Variants in CHL1 observed in about 807,000 individuals in gnomAD.
CHL1 encodes neural cell adhesion molecule L1-like protein.
Under a neutral mutation model 141.9 loss-of-function variants are expected in CHL1, and 96 were observed. The ratio of observed to expected loss-of-function variants is 0.68; its 90% CI spans 0.57 to 0.80. CHL1 has a LOEUF of 0.80. CHL1 is among the 30% of genes least tolerant of loss of function. The pLI, the probability that CHL1 is intolerant of heterozygous loss-of-function variation, is 0.00. For synonymous variants in CHL1, 613 were observed against 502.2 expected, an observed-to-expected ratio of 1.22 and a Z score of -2.95; for missense variants, 1,820 against 1,457.2, an observed-to-expected ratio of 1.25 and a Z score of -4.05.
At chr3:342,695 A>G (rs1702434707) in intron 7 of CHL1, among the ~76,000 whole-genome samples, 1 of 152,100 alleles carries the variant, frequency 6.6e-6, no homozygotes, top group Non-Finnish European at 1.5e-5. Context: ...TGATTTTTTC[A>G]TTTTTATGTG....
chr3:244,458 A>G (rs144898094), intron 1 of CHL1, among the ~76,000 whole-genome samples, 155 bp from the exon 2 acceptor site: 22 of 152,314 alleles, frequency 1.4e-4, no homozygotes, highest in African/African-American at 5.3e-4. Context: ...CAACAGAGCA[A>G]TACTATAGCT....
At chr3:213,235 T>A (rs559908008) in intron 1 of CHL1, 18 of 152,328 alleles carry the variant, frequency 1.2e-4, no homozygotes, top group Non-Finnish European at 2.4e-4. Flanking sequence ...TCACAGAGAA[T>A]TGATTCCCAT....
At chr3:273,787 T>C (rs1401844998) in intron 2 of CHL1, among the ~76,000 whole-genome samples, 3 of 152,232 alleles carry the variant, frequency 2.0e-5, no homozygotes, top group African/African-American at 4.8e-5. Context: ...GATGGTAATA[T>C]GCCTATGTTA....
chr3:304,182 G>T (rs1575011248), intron 2 of CHL1, among the ~76,000 whole-genome samples: 2 of 152,174 alleles, frequency 1.3e-5, no homozygotes, highest in East Asian at 3.9e-4. Flanking sequence ...GTTCATCAGG[G>T]ATATTGGCCT....
intron 11 of CHL1, among the ~76,000 whole-genome samples, chr3:358,970 A>G (rs1703962942): frequency 6.9e-6 from 1 of 145,020 alleles, no homozygotes; most frequent in Admixed American, 7.0e-5. Flanking sequence ...TATAAAATAT[A>G]TGTTATATAT....
At chr3:255,509 G>GTA (rs778012132) in intron 2 of CHL1, among the ~76,000 whole-genome samples, 137 of 145,018 alleles carry the variant, frequency 9.4e-4, no homozygotes, top group Non-Finnish European at 1.5e-3. Context: ...ATGTGTGTGT[G>GTA]TGTGTATACA....
At chr3:230,011 T>A (rs1055587174) in intron 1 of CHL1, among the ~76,000 whole-genome samples, 39 of 152,144 alleles carry the variant, frequency 2.6e-4, no homozygotes, top group Non-Finnish European at 1.5e-4. Context: ...CCCGTGAGTT[T>A]CTATAGTATT....
chr3:226,820 C>T (rs141321514), intron 1 of CHL1, among the ~76,000 whole-genome samples: 1 of 152,098 alleles, frequency 6.6e-6, no homozygotes, highest in Non-Finnish European at 1.5e-5. Flanking sequence ...TGCCTTTCTT[C>T]TCAATGCTTA....
chr3:258,218 AAG>A (rs1694361312), intron 2 of CHL1, among the ~76,000 whole-genome samples: 1 of 152,248 alleles, frequency 6.6e-6, no homozygotes, highest in African/African-American at 2.4e-5. Flanking sequence ...CTCTCAGATT[AAG>A]AGAGAATATT....
At chr3:354,066 A>C (rs190466073) in intron 10 of CHL1, among the ~76,000 whole-genome samples, 159 of 152,238 alleles carry the variant, frequency 1.0e-3, no homozygotes, top group African/African-American at 3.5e-3. Context: ...CAGAAAGCTA[A>C]ACACTGCTTT....
chr3:333,471 C>T (rs1343069676), intron 5 of CHL1, among the ~76,000 whole-genome samples: 1 of 152,082 alleles, frequency 6.6e-6, no homozygotes, highest in Non-Finnish European at 1.5e-5. Context: ...CTATTTTCAA[C>T]AACATTGCAG....
intron 14 of CHL1, among the ~76,000 whole-genome samples, chr3:365,464 A>T (rs1039858046): frequency 1.3e-5 from 2 of 152,192 alleles, no homozygotes; most frequent in Non-Finnish European, 2.9e-5. Flanking sequence ...CACAGGCCCT[A>T]CTTCCCTGAG....
intron 4 of CHL1, among the ~76,000 whole-genome samples, chr3:327,896 A>G (rs1701133351): frequency 6.6e-6 from 1 of 152,042 alleles, no homozygotes; most frequent in East Asian, 1.9e-4. Flanking sequence ...ATCTTGTATT[A>G]CCTTTCTAAT....
chr3:391,067 C>A lies in CHL1; in HGVS notation c.2699C>A (p.Ala900Asp). 4.3e-6 allele frequency: 7 copies of A among 1,613,440 alleles called. No homozygotes were observed. The highest frequency in any genetic ancestry group is 4.2e-6 in the Non-Finnish European group (5 of 1,179,360). Reference protein sequence around the residue: ...RNSGMVPSLDAFSEFHLTVLA... With the variant: ...RNSGMVPSLDDFSEFHLTVLA... ...TCTGGAATGGTTCCTTCCTTAGATGCCTTTAGTGAATTTCATTTAACAGTC... is the reference window on the plus strand; with the variant it reads ...TCTGGAATGGTTCCTTCCTTAGATGACTTTAGTGAATTTCATTTAACAGTC... Residue 900 changes from alanine to aspartate, a missense_variant, in exon 22 of 28, where the codon GCC becomes GAC. Physicochemically the swap from Ala to Asp is moderately radical, Grantham distance 126. Transcript: ENST00000256509.
intron 2 of CHL1, among the ~76,000 whole-genome samples, chr3:260,625 C>T (rs1048166237): frequency 6.6e-6 from 1 of 152,128 alleles, no homozygotes; most frequent in African/African-American, 2.4e-5. Flanking sequence ...CAAACAAGAC[C>T]CAGGTAGAGC....
intron 11 of CHL1, among the ~76,000 whole-genome samples, chr3:357,854 A>G (rs1575153564): frequency 6.6e-6 from 1 of 152,320 alleles, no homozygotes; most frequent in East Asian, 1.9e-4. Flanking sequence ...ATCAGACGGG[A>G]TAAGGAGAAC....
intron 5 of CHL1, among the ~76,000 whole-genome samples, chr3:338,444 C>T (rs1354603035): frequency 6.6e-6 from 1 of 152,118 alleles, no homozygotes; most frequent in South Asian, 2.1e-4. Flanking sequence ...TAAATGGAGT[C>T]ATTTCTTTAT....
At chr3:243,379 A>G (rs1692856098) in intron 1 of CHL1, among the ~76,000 whole-genome samples, 1 of 152,222 alleles carries the variant, frequency 6.6e-6, no homozygotes, top group Admixed American at 6.5e-5. Flanking sequence ...CCCATTGGTC[A>G]GAAGCCATAT....
At chr3:266,024 A>G (rs918489472) in intron 2 of CHL1, among the ~76,000 whole-genome samples, 1 of 152,216 alleles carries the variant, frequency 6.6e-6, no homozygotes, top group Non-Finnish European at 1.5e-5. Flanking sequence ...GACAGATGGT[A>G]TTATTGGGGG....
Sources: gnomAD v4.1 joint callset for allele counts (sites outside exome capture counted in the v4.1 genomes callset) on GRCh38, gnomAD v4.1.1 for gene constraint, MANE v1.5 for transcripts, NCBI Gene and HGNC (gene_info 2026-07-23, HGNC 2026-07-21) for gene names.